Variants in CTDP1 observed in about 807,000 individuals in gnomAD.
CTDP1 encodes RNA polymerase II subunit A C-terminal domain phosphatase.
Under a neutral mutation model 91.8 loss-of-function variants are expected in CTDP1, and 47 were observed. The observed-to-expected ratio is 0.51, with a 90% CI of 0.41 to 0.65. The LOEUF is 0.65. Ranked by LOEUF, CTDP1 falls within the 30% of genes least tolerant of loss-of-function variation. The pLI, the probability that CTDP1 is intolerant of heterozygous loss-of-function variation, is 0.00. For synonymous variants in CTDP1, 656 were observed against 598.5 expected (o/e 1.10, Z -1.40); for missense variants, 1,272 against 1,373.7 (o/e 0.93, Z 1.17).
Position 79,679,987 on chromosome 18 carries a change from G to C in CTDP1, c.40G>C (p.Ala14Pro). 7.4e-7 allele frequency: 1 copy of C among 1,343,984 alleles called. No individual in the cohort carries two copies. Among genetic ancestry groups the C allele is most frequent in the Non-Finnish European group, 9.6e-7 (1 of 1,045,218 alleles). 83.3% of individuals were successfully genotyped at this position (1,343,984 alleles called of 1,614,324 possible). Residue 14 changes from alanine (A) to proline (P), a missense_variant, in exon 1 of 13, where the codon GCC becomes CCC. Physicochemically the swap from Ala to Pro is conservative, Grantham distance 27. Transcript: ENST00000613122. The stretch of plus-strand genomic sequence containing the variant: ...CGCGGGTCGCGTTCCTGCCGAGGGC[G>C]CCCCGACGGCGGCTGTGGCCGAGGT... ...PAAGRVPAEG[A>P]PTAAVAEVRC...
In CTDP1 at chr18:79,697,884, G is replaced by A; in HGVS notation, c.517G>A (p.Asp173Asn). 6.2e-7 allele frequency: 1 copy of A among 1,614,188 alleles called. No homozygotes were observed. The highest frequency in any genetic ancestry group is 8.5e-7 in the Non-Finnish European group (1 of 1,180,026). ...SEQAEQLGRE[D>N]QQRLHRNRKL... ...GCAAGCTGAACAGCTGGGAAGAGAA[G>A]ACCAGCAGCGACTGCACCGAAACCG... The change falls in exon 4 of 13, where the codon GAC becomes AAC. Residue 173 changes from aspartate to asparagine, a missense_variant. By Grantham distance (23) the Asp-to-Asn change is conservative. Around this residue, in one of 3 missense-constraint regions of CTDP1, gnomAD observed 177 missense variants for 283.0 expected, o/e 0.63. Coordinates refer to ENST00000613122, the MANE Select transcript of CTDP1 (RefSeq NM_004715.5).
At chr18:79,699,633 T>C (rs2085818569) in intron 4 of CTDP1, among the ~76,000 whole-genome samples, 1 of 151,988 alleles carries the variant, frequency 6.6e-6, no homozygotes, top group Admixed American at 6.6e-5. Context: ...TTTATGAAAA[T>C]ACATTCTGCA....
At chr18:79,710,952 C>T (rs1348642462) in intron 6 of CTDP1, among the ~76,000 whole-genome samples, 6 of 152,054 alleles carry the variant, frequency 3.9e-5, no homozygotes, top group African/African-American at 1.5e-4. Context: ...ACCTGTACTC[C>T]CACTGTCTCC....
chr18:79,724,871 G>A (rs777190863), intron 10 of CTDP1, among the ~76,000 whole-genome samples: 3 of 152,134 alleles, frequency 2.0e-5, no homozygotes, highest in Non-Finnish European at 2.9e-5. Context: ...CATTGTCGCC[G>A]GCGCCGTCCT....
intron 4 of CTDP1, among the ~76,000 whole-genome samples, chr18:79,704,432 G>C (rs548972839): frequency 3.3e-5 from 5 of 151,402 alleles, no homozygotes; most frequent in African/African-American, 7.3e-5. Flanking sequence ...CCTCTGTCCC[G>C]TGTGGAGGGG....
intron 4 of CTDP1, among the ~76,000 whole-genome samples, chr18:79,700,097 C>T (rs944298956): frequency 6.6e-6 from 1 of 152,204 alleles, no homozygotes; most frequent in African/African-American, 2.4e-5. Flanking sequence ...CACCAACTGG[C>T]CATTCCCTGT....
intron 11 of CTDP1, among the ~76,000 whole-genome samples, chr18:79,730,686 T>G (rs1194438320): frequency 6.6e-6 from 1 of 152,230 alleles, no homozygotes; most frequent in Non-Finnish European, 1.5e-5. Context: ...TTTTAAAGCC[T>G]CCTTGATTCT....
At chr18:79,717,122 G>A (rs1474597195) in intron 8 of CTDP1, among the ~76,000 whole-genome samples, 1 of 150,754 alleles carries the variant, frequency 6.6e-6, no homozygotes, top group African/African-American at 2.4e-5. Context: ...CTGAGCCCTG[G>A]TGGGGTACAG....
chr18:79,706,214 G>A (rs1473509547), intron 5 of CTDP1, among the ~76,000 whole-genome samples: 1 of 152,178 alleles, frequency 6.6e-6, no homozygotes, highest in East Asian at 1.9e-4. Context: ...CGCCGTGGTC[G>A]GACGCCGGCC....
At chr18:79,699,966 G>A (rs1215660835) in intron 4 of CTDP1, among the ~76,000 whole-genome samples, 1 of 152,162 alleles carries the variant, frequency 6.6e-6, no homozygotes, top group African/African-American at 2.4e-5. Flanking sequence ...TGTTCTGTCA[G>A]CTATAGGGAT....
intron 10 of CTDP1, among the ~76,000 whole-genome samples, chr18:79,723,212 C>T (rs1568203539): frequency 6.6e-6 from 1 of 151,990 alleles, no homozygotes; most frequent in African/African-American, 2.4e-5. Flanking sequence ...TGAGCAGCCC[C>T]AGGCCTCATC....
chr18:79,736,754 G>A (rs1348410782), intron 12 of CTDP1, among the ~76,000 whole-genome samples: 2 of 152,074 alleles, frequency 1.3e-5, no homozygotes, highest in Non-Finnish European at 2.9e-5. Flanking sequence ...GTGTGGGGGG[G>A]GATCTGTACA....
intron 1 of CTDP1, among the ~76,000 whole-genome samples, chr18:79,687,983 C>T (rs941931755): frequency 1.3e-5 from 2 of 152,242 alleles, no homozygotes; most frequent in African/African-American, 2.4e-5. Context: ...TTTCCAGCCA[C>T]GGCTCTGTGG....
In CTDP1 at chr18:79,754,211, A is replaced by G. The variant is rs1462807590; in HGVS notation, c.*421A>G. The G allele has an allele frequency of 7.4e-6, 2 of 269,450 alleles. No homozygotes were observed. The highest frequency in any genetic ancestry group is 1.5e-5 in the Non-Finnish European group (2 of 136,308). The allele number at this position is 269,450 out of a possible 1,614,324, so 16.7% of individuals were successfully genotyped here. On this transcript the variant is annotated 3_prime_UTR_variant, in exon 13 of 13. Coordinates refer to ENST00000613122, the MANE Select transcript of CTDP1 (RefSeq NM_004715.5). Reference sequence around the variant, plus strand: ...TGCGTGCACGAGCTCCGAGCCCAGCACAGACATGCCTGGAACCCCCGCCGC... The same window carrying G: ...TGCGTGCACGAGCTCCGAGCCCAGCGCAGACATGCCTGGAACCCCCGCCGC...
At chr18:79,703,906 C>A (rs1415620788) in intron 4 of CTDP1, among the ~76,000 whole-genome samples, 1 of 151,662 alleles carries the variant, frequency 6.6e-6, no homozygotes, top group African/African-American at 2.4e-5. Flanking sequence ...CAGGCTGTTA[C>A]TCTTGGCTGG....
chr18:79,735,864 G>C (rs2086656960), intron 11 of CTDP1: 2 of 181,892 alleles, frequency 1.1e-5, no homozygotes, highest in Admixed American at 5.4e-5. Flanking sequence ...GGCGTGCCCA[G>C]AGCGAGCGGG....
At chr18:79,753,503 T>A in intron 12 of CTDP1, 149 bp from the exon 13 acceptor site, 1 of 1,234,320 alleles carries the variant, frequency 8.1e-7, no homozygotes, top group Non-Finnish European at 1.2e-6. Context: ...GACGTGGCCC[T>A]GGGTCGGTGG....
chr18:79,713,071 A>G lies in CTDP1; in HGVS notation c.963A>G (p.Val321=), dbSNP rs775363266. 3.1e-6 allele frequency: 5 copies of G among 1,614,176 alleles called. No homozygotes were observed. The highest frequency in any genetic ancestry group is 4.2e-6 in the Non-Finnish European group (5 of 1,180,040). ...ATCTGATAACTGTGAAGAAATATGT[A>G]TACTTCCAGGGCACGGGTGATATGA... The part of the protein sequence containing the change: ...APNLITVKKY[V]YFQGTGDMNA... Residue 321 remains valine (V), a synonymous_variant, in exon 7 of 13, where the codon GTA becomes GTG. Transcript: ENST00000613122. The surrounding 1 kb of genome is among the most constrained non-coding windows in gnomAD (Gnocchi z 4.7).
chr18:79,690,186 A>G (rs1443213804), intron 1 of CTDP1, among the ~76,000 whole-genome samples: 3 of 152,200 alleles, frequency 2.0e-5, no homozygotes, highest in African/African-American at 7.2e-5. Flanking sequence ...ACCCACCTGG[A>G]GGCGATGCTC....
Sources: gnomAD v4.1 joint callset for allele counts (sites outside exome capture counted in the v4.1 genomes callset) on GRCh38, gnomAD v4.1.1 for gene constraint, gnomAD v4.1.1 regional missense constraint, Gnocchi (gnomAD v3.1) non-coding constraint, MANE v1.5 for transcripts, NCBI Gene and HGNC (gene_info 2026-07-23, HGNC 2026-07-21) for gene names.